PDE1A: variants seen among roughly 807,000 people sequenced by gnomAD.
PDE1A encodes the protein dual specificity calcium/calmodulin-dependent 3',5'-cyclic nucleotide phosphodiesterase 1A.
A neutral mutation model predicts 61.7 loss-of-function variants in PDE1A; 35 were observed. That is an observed-to-expected ratio of 0.57 (90% CI 0.43 to 0.75). The LOEUF (loss-of-function observed/expected upper bound fraction) is 0.75, where lower values mean the gene tolerates loss of function less well. PDE1A is among the 30% of genes least tolerant of loss of function. PDE1A has a pLI of 0.00. For missense variants in PDE1A, 597 were observed against 630.6 expected (o/e 0.95, Z 0.57); for synonymous variants, 232 against 213.2 (o/e 1.09, Z -0.77).
upstream of PDE1A, among the ~76,000 whole-genome samples, chr2:182,431,357 T>C (rs965197718): frequency 1.3e-5 from 2 of 152,114 alleles, no homozygotes; most frequent in Non-Finnish European, 2.9e-5. Flanking sequence ...GAGTAAAACG[T>C]GGGCATTAAA....
At chr2:182,714,179 G>A in the PDE1A span, among the ~76,000 whole-genome samples, 3 of 152,258 alleles carry the variant, frequency 2.0e-5, no homozygotes, top group East Asian at 5.8e-4. Flanking sequence ...AAGAACAGCT[G>A]GAGCCATAAC....
intron 2 of PDE1A, among the ~76,000 whole-genome samples, chr2:182,248,750 T>C (rs1459820893): frequency 6.6e-6 from 1 of 152,174 alleles, no homozygotes; most frequent in African/African-American, 2.4e-5. Context: ...GGGCAATTGG[T>C]ACCCGCAATT....
rs1459772539 is a variant in PDE1A, at chr2:182,426,472, T to G, written c.53+106A>C. 8 of 812,188 alleles carry G rather than the reference T, an allele frequency of 9.8e-6. No individual in the cohort carries two copies. In the Admixed American group the frequency reaches 1.6e-4, roughly 16 times the overall value. 50.3% of individuals were successfully genotyped at this position (812,188 alleles called of 1,614,324 possible). On this transcript the variant is annotated intron_variant, in intron 1 of 13. Transcript: ENST00000351439. ...CCTGAAGTTAAACTTTAAGCACTCTTGATTGCTCTGCTGTAGCTTAGTGGC... is the reference window on the plus strand; with the variant it reads ...CCTGAAGTTAAACTTTAAGCACTCTGGATTGCTCTGCTGTAGCTTAGTGGC...
At chr2:182,334,547 C>T (rs934466458) in intron 1 of PDE1A, among the ~76,000 whole-genome samples, 2 of 152,112 alleles carry the variant, frequency 1.3e-5, no homozygotes, top group East Asian at 3.8e-4. Context: ...TCAATAGATG[C>T]AGAAAAGGCC....
chr2:182,187,316 G>A (rs1202992595), intron 11 of PDE1A, among the ~76,000 whole-genome samples: 2 of 152,162 alleles, frequency 1.3e-5, no homozygotes, highest in East Asian at 3.8e-4. Context: ...AGAGAAAAGG[G>A]CATTGTCCTC....
intron 1 of PDE1A, among the ~76,000 whole-genome samples, chr2:182,316,019 G>A (rs2125969768): frequency 6.6e-6 from 1 of 152,286 alleles, no homozygotes; most frequent in South Asian, 2.1e-4. Context: ...AGAAGAATCT[G>A]GAAGTTGTGA....
the PDE1A span, among the ~76,000 whole-genome samples, chr2:182,587,842 C>T: frequency 1.3e-5 from 2 of 152,154 alleles, no homozygotes; most frequent in Non-Finnish European, 2.9e-5. Context: ...GAATTAAAAA[C>T]ACTAAATATG....
chr2:182,492,854 G>A (rs1206391622), intron 2 of PDE1A, among the ~76,000 whole-genome samples: 1 of 152,120 alleles, frequency 6.6e-6, no homozygotes, highest in Non-Finnish European at 1.5e-5. Flanking sequence ...TCTGTGACAA[G>A]AGATATCCAC....
chr2:182,491,402 A>G (rs1688383049), intron 2 of PDE1A, among the ~76,000 whole-genome samples: 1 of 152,146 alleles, frequency 6.6e-6, no homozygotes, highest in African/African-American at 2.4e-5. Flanking sequence ...ACATGGGCAC[A>G]TGGGAGGAGC....
At chr2:182,242,542 C>T (rs1323506803) in intron 2 of PDE1A, among the ~76,000 whole-genome samples, 1 of 152,132 alleles carries the variant, frequency 6.6e-6, no homozygotes, top group Non-Finnish European at 1.5e-5. Flanking sequence ...GGTGGCCAGT[C>T]GTTTGGTCAA....
At chr2:182,428,909 T>C (rs1218891403), upstream of PDE1A, among the ~76,000 whole-genome samples, 1 of 152,246 alleles carries the variant, frequency 6.6e-6, no homozygotes, top group Admixed American at 6.5e-5. Flanking sequence ...GAACTCAACA[T>C]AAATACTAAT....
chr2:182,185,159 A>G (rs952753764), intron 13 of PDE1A, among the ~76,000 whole-genome samples: 1 of 152,164 alleles, frequency 6.6e-6, no homozygotes, highest in African/African-American at 2.4e-5. Flanking sequence ...AAATAACTAC[A>G]AAGACCCTGG....
chr2:182,201,664 C>CAAAAAA, intron 9 of PDE1A, 24 bp downstream of exon 9: 2 of 873,104 alleles, frequency 2.3e-6, no homozygotes, highest in Admixed American at 3.5e-5. Flanking sequence ...AAAAAAAAAA[C>CAAAAAA]AACAAAAAAA....
At chr2:182,518,076 C>T (rs1243449248) in intron 2 of PDE1A, among the ~76,000 whole-genome samples, 1 of 152,152 alleles carries the variant, frequency 6.6e-6, no homozygotes, top group Admixed American at 6.5e-5. Flanking sequence ...AGCTGGTATA[C>T]AGTGACCCTG....
exon 1 of PDE1A, chr2:182,426,940 C>T (rs979357066): frequency 9.2e-7 from 1 of 1,091,526 alleles, no homozygotes; most frequent in Non-Finnish European, 1.1e-6. Flanking sequence ...ACAAAACAAA[C>T]AGAAAACTTC....
chr2:182,206,134 C>T (rs988086141), intron 7 of PDE1A, 69 bp from the exon 8 acceptor site: 3 of 1,294,358 alleles, frequency 2.3e-6, no homozygotes, highest in Non-Finnish European at 3.2e-6. Context: ...ATAAGACTTA[C>T]TCAAGTATCA....
intron 1 of PDE1A, among the ~76,000 whole-genome samples, chr2:182,374,234 G>T (rs1700272285): frequency 6.6e-6 from 1 of 151,914 alleles, no homozygotes; most frequent in Non-Finnish European, 1.5e-5. Flanking sequence ...AGACTGATAG[G>T]TACTTCTACG....
chr2:182,487,023 G>A (rs1214898674), intron 2 of PDE1A, among the ~76,000 whole-genome samples: 1 of 152,032 alleles, frequency 6.6e-6, no homozygotes, highest in Non-Finnish European at 1.5e-5. Context: ...TCATCTATTG[G>A]ACAAAGCACT....
At chr2:182,656,962 T>A in the PDE1A span, among the ~76,000 whole-genome samples, 4 of 152,284 alleles carry the variant, frequency 2.6e-5, no homozygotes, top group East Asian at 7.7e-4. Flanking sequence ...CGGTGGCTCA[T>A]GCCTGTAATC....
Sources: allele counts gnomAD v4.1 joint callset (sites outside exome capture counted in the v4.1 genomes callset), GRCh38; gene constraint gnomAD v4.1.1; transcripts MANE v1.5; gene names NCBI Gene and HGNC (gene_info 2026-07-23, HGNC 2026-07-21).